Variants in MATCAP2 observed in about 807,000 individuals in gnomAD.
MATCAP2 encodes the protein putative tyrosine carboxypeptidase MATCAP2.
the MATCAP2 span, among the ~76,000 whole-genome samples, chr7:36,337,123 A>AAAAAAAAAAAAAAAAAAC: frequency 6.9e-6 from 1 of 145,484 alleles, no homozygotes; most frequent in Non-Finnish European, 1.5e-5. Flanking sequence ...AAAAAAAAAA[A>AAAAAAAAAAAAAAAAAAC]AAGCAATCAG....
chr7:36,369,233 T>C, the MATCAP2 span, among the ~76,000 whole-genome samples: 6 of 152,310 alleles, frequency 3.9e-5, no homozygotes, highest in South Asian at 1.2e-3. Context: ...ATAACTAAAA[T>C]AATATAGAAT....
At chr7:36,361,973 G>A in the MATCAP2 span, among the ~76,000 whole-genome samples, 10 of 152,098 alleles carry the variant, frequency 6.6e-5, no homozygotes, top group South Asian at 4.1e-4. Flanking sequence ...GGTATTAGAC[G>A]TCAGAATAGC....
the MATCAP2 span, among the ~76,000 whole-genome samples, chr7:36,334,686 G>C: frequency 6.6e-6 from 1 of 152,068 alleles, no homozygotes; most frequent in African/African-American, 2.4e-5. Context: ...TCTCAAGAGA[G>C]GAGGTATAAC....
chr7:36,389,270 C>T, the MATCAP2 span, among the ~76,000 whole-genome samples: 122 of 152,254 alleles, frequency 8.0e-4, 1 homozygote, highest in African/African-American at 2.7e-3. Context: ...ACCATGTTGG[C>T]AAGGCTGGTC....
At chr7:36,385,850 A>AATAAAATAAAATAAAATAAG in the MATCAP2 span, among the ~76,000 whole-genome samples, 2 of 146,954 alleles carry the variant, frequency 1.4e-5, no homozygotes, top group African/African-American at 5.1e-5. Flanking sequence ...AATAAAATAA[A>AATAAAATAAAATAAAATAAG]ATAAGATAAA....
the MATCAP2 span, among the ~76,000 whole-genome samples, chr7:36,388,851 T>C: frequency 1.3e-5 from 2 of 152,238 alleles, no homozygotes; most frequent in African/African-American, 4.8e-5. Context: ...TCTAACACTG[T>C]ACACAGTTGG....
chr7:36,372,658 A>G, the MATCAP2 span, among the ~76,000 whole-genome samples: 1 of 152,236 alleles, frequency 6.6e-6, no homozygotes, highest in African/African-American at 2.4e-5. Flanking sequence ...CCAAAAAGAT[A>G]CTGCTCTTTA....
the MATCAP2 span, among the ~76,000 whole-genome samples, chr7:36,330,713 T>C: frequency 2.0e-5 from 3 of 152,222 alleles, no homozygotes; most frequent in African/African-American, 7.2e-5. Context: ...CAAAATGCTT[T>C]TTAGAAAAAT....
chr7:36,335,037 T>G, the MATCAP2 span: 23 of 1,603,908 alleles, frequency 1.4e-5, no homozygotes, highest in Non-Finnish European at 2.0e-5. Context: ...TGGAAAGGAT[T>G]GCCCCTACCT....
chr7:36,364,034 A>G, the MATCAP2 span, among the ~76,000 whole-genome samples: 1 of 151,542 alleles, frequency 6.6e-6, no homozygotes, highest in Non-Finnish European at 1.5e-5. Context: ...TGGCTTTGGT[A>G]TAATAAACCC....
the MATCAP2 span, among the ~76,000 whole-genome samples, chr7:36,351,779 T>G: frequency 1.3e-5 from 2 of 151,592 alleles, no homozygotes; most frequent in East Asian, 3.9e-4. Flanking sequence ...AAATCCTGTT[T>G]GTACAAAAAA....
At chr7:36,344,287 C>T in the MATCAP2 span, among the ~76,000 whole-genome samples, 1 of 152,126 alleles carries the variant, frequency 6.6e-6, no homozygotes, top group Non-Finnish European at 1.5e-5. Flanking sequence ...AAGTTAATTA[C>T]TATACACCTA....
At chr7:36,366,962 G>GGCGGGCTCC in the MATCAP2 span, 5 of 1,348,178 alleles carry the variant, frequency 3.7e-6, no homozygotes, top group African/African-American at 1.5e-5. Flanking sequence ...GGCCCGGGGC[G>GGCGGGCTCC]GCGGGCTCCG....
the MATCAP2 span, chr7:36,325,112 A>G: frequency 6.6e-6 from 1 of 152,266 alleles, no homozygotes; most frequent in Non-Finnish European, 1.5e-5. Flanking sequence ...CAATGCTGAG[A>G]AAGTGCACAA....
chr7:36,359,285 G>A, the MATCAP2 span, among the ~76,000 whole-genome samples: 1 of 152,132 alleles, frequency 6.6e-6, no homozygotes, highest in Non-Finnish European at 1.5e-5. Context: ...TAAAGGCCAG[G>A]GATGCTGCTA....
the MATCAP2 span, chr7:36,335,265 A>T: frequency 1.6e-6 from 2 of 1,214,648 alleles, no homozygotes; most frequent in South Asian, 1.3e-5. Flanking sequence ...TGGGCCTGTA[A>T]ATTAACACTG....
chr7:36,379,845 C>CAGAGAGAGAGAG, the MATCAP2 span, among the ~76,000 whole-genome samples: 6 of 125,418 alleles, frequency 4.8e-5, no homozygotes, highest in East Asian at 1.1e-3. Flanking sequence ...CACACACACA[C>CAGAGAGAGAGAG]ACAGAGAGAG....
chr7:36,348,879 G>A, the MATCAP2 span, among the ~76,000 whole-genome samples: 1 of 152,174 alleles, frequency 6.6e-6, no homozygotes, highest in Non-Finnish European at 1.5e-5. Context: ...AAGACTGCAG[G>A]GTTCCTGGGA....
the MATCAP2 span, among the ~76,000 whole-genome samples, chr7:36,362,186 A>G: frequency 6.6e-6 from 1 of 152,290 alleles, no homozygotes; most frequent in African/African-American, 2.4e-5. Context: ...AAACATATTT[A>G]TTGCTCAATT....
Sources: gnomAD v4.1 joint callset for allele counts (sites outside exome capture counted in the v4.1 genomes callset) on GRCh38, gnomAD v4.1.1 for gene constraint, MANE v1.5 for transcripts, NCBI Gene and HGNC (gene_info 2026-07-23, HGNC 2026-07-21) for gene names.